ABHD6: variants seen among roughly 807,000 people sequenced by gnomAD.
The protein encoded by ABHD6 is abhydrolase domain containing 6, acylglycerol lipase.
Under a neutral mutation model 38.8 loss-of-function variants are expected in ABHD6, and 33 were observed. The observed-to-expected ratio is 0.85, with a 90% CI of 0.64 to 1.14. The LOEUF is 1.14. ABHD6 is among the 50% of genes most tolerant of loss of function. ABHD6 has a pLI of 0.00. For synonymous variants in ABHD6, 147 were observed against 161.6 expected, an observed-to-expected ratio of 0.91 and a Z score of 0.69; for missense variants, 380 against 422.6, an observed-to-expected ratio of 0.90 and a Z score of 0.88.
chr3:58,256,883 G>A lies in ABHD6; in HGVS notation c.119+178G>A, dbSNP rs2097433755. The stretch of plus-strand genomic sequence containing the variant: ...GGAATGCTCTTGAAGAATATTACCA[G>A]ATCAGTTCTTTCAGGTTTGTTTGTT... On this transcript the variant is annotated intron_variant, in intron 3 of 9. Transcript: ENST00000478253. The surrounding 1 kb of genome is among the most constrained non-coding windows in gnomAD (Gnocchi z 4.3). Among the ~76,000 whole-genome samples, 1 of 152,022 alleles carries A rather than the reference G, an allele frequency of 6.6e-6. No individual in the cohort carries two copies. The highest frequency in any genetic ancestry group is 6.6e-5 in the Admixed American group (1 of 15,246).
At position 58,293,852 on chromosome 3, in the gene ABHD6, C is replaced by T; in HGVS notation, c.*87C>T. 1 of 1,485,608 alleles carries T rather than the reference C, an allele frequency of 6.7e-7. No individual in the cohort carries two copies. Among genetic ancestry groups the T allele is most frequent in the Non-Finnish European group, 9.1e-7 (1 of 1,097,660 alleles). 92.0% of individuals were successfully genotyped at this position (1,485,608 alleles called of 1,614,324 possible). A position where few individuals can be genotyped will look rare whatever the true frequency, so the allele number is the denominator to read the frequency against. On this transcript the variant is annotated 3_prime_UTR_variant, in exon 10 of 10. Coordinates refer to ENST00000478253, the MANE Select transcript of ABHD6 (RefSeq NM_001320126.2). This position sits in a 1 kb window ranked among gnomAD's most constrained non-coding sequence, Gnocchi z 4.4. ...AGCCACCACTCTCAGGGATCCTGCCCCAAATGCGGTCGGAGCGCCAGTGAC... is the reference window on the plus strand; with the variant it reads ...AGCCACCACTCTCAGGGATCCTGCCTCAAATGCGGTCGGAGCGCCAGTGAC...
intron 7 of ABHD6, among the ~76,000 whole-genome samples, chr3:58,278,394 G>T (rs2097450430): frequency 6.6e-6 from 1 of 152,206 alleles, no homozygotes; most frequent in Non-Finnish European, 1.5e-5. Flanking sequence ...GCGTAGAGGT[G>T]TTTATAGTAT....
chr3:58,249,613 C>T (rs2097428656), intron 1 of ABHD6, among the ~76,000 whole-genome samples: 1 of 152,240 alleles, frequency 6.6e-6, no homozygotes, highest in East Asian at 1.9e-4. Flanking sequence ...CAGATTTCTT[C>T]TTTGACCTCT....
chr3:58,275,295 A>G (rs1179553845), intron 7 of ABHD6, among the ~76,000 whole-genome samples: 2 of 150,920 alleles, frequency 1.3e-5, no homozygotes, highest in Non-Finnish European at 3.0e-5. Context: ...GAGATACTCA[A>G]TTGAAAAAAA....
intron 9 of ABHD6, among the ~76,000 whole-genome samples, chr3:58,288,429 C>T (rs755255923): frequency 6.6e-6 from 1 of 152,220 alleles, no homozygotes; most frequent in African/African-American, 2.4e-5. Flanking sequence ...TCATTTCAAG[C>T]ATCGCTCCTC....
chr3:58,282,418 A>C (rs1213637657), intron 7 of ABHD6, among the ~76,000 whole-genome samples: 1 of 152,100 alleles, frequency 6.6e-6, no homozygotes, highest in African/African-American at 2.4e-5. Flanking sequence ...AAAGGGGAGG[A>C]GTCCCAGGTG....
intron 2 of ABHD6, among the ~76,000 whole-genome samples, chr3:58,250,854 A>T (rs1308978708): frequency 1.3e-5 from 2 of 152,142 alleles, no homozygotes; most frequent in African/African-American, 4.8e-5. Flanking sequence ...GCTTTAATCA[A>T]TTTAAGTTTA....
Position 58,274,779 on chromosome 3 carries a change from G to T in ABHD6, c.645G>T (p.Gln215His). The T allele has an allele frequency of 1.2e-6, 2 of 1,614,212 alleles. No individual in the cohort carries two copies. Among genetic ancestry groups the T allele is most frequent in the Non-Finnish European group, 1.7e-6 (2 of 1,180,030 alleles). Residue 215 changes from glutamine to histidine, a missense_variant, in exon 7 of 10, where the codon CAG becomes CAT. Transcript: ENST00000478253. Reference protein sequence around the residue: ...STPEEMSEMLQLCSYVRFKVP... With the variant: ...STPEEMSEMLHLCSYVRFKVP... The stretch of plus-strand genomic sequence containing the variant: ...CAGAAGAGATGAGTGAAATGCTTCA[G>T]CTCTGCTCCTATGTCCGCTTCAAGG...
At chr3:58,289,413 G>A (rs1240809239) in intron 9 of ABHD6, among the ~76,000 whole-genome samples, 1 of 150,162 alleles carries the variant, frequency 6.7e-6, no homozygotes, top group African/African-American at 2.5e-5. Context: ...CTGGGTACTT[G>A]AGATTAGGGA....
chr3:58,282,077 CAG>C (rs1575529685), intron 7 of ABHD6, among the ~76,000 whole-genome samples: 2 of 152,240 alleles, frequency 1.3e-5, no homozygotes, highest in Non-Finnish European at 2.9e-5. Context: ...CTCTGAAAAA[CAG>C]TGTACTTTTG....
rs1359594722 is a variant in ABHD6, at chr3:58,287,931, G to T, written c.837+2478G>T. ...TAATATGTATGAAAATGATCTTCCA[G>T]TTGCAAAAAAGTTAGGTTAGCTGGT... is the stretch of plus-strand genomic sequence containing the variant. On this transcript the variant is annotated intron_variant, in intron 9 of 9. Transcript: ENST00000478253. The surrounding 1 kb of genome is among the most constrained non-coding windows in gnomAD (Gnocchi z 4.7). Among the ~76,000 whole-genome samples, 2 of 152,166 alleles carry T rather than the reference G, an allele frequency of 1.3e-5. No homozygotes were observed. The highest frequency in any genetic ancestry group is 2.4e-5 in the African/African-American group (1 of 41,442).
intron 1 of ABHD6, among the ~76,000 whole-genome samples, chr3:58,240,187 A>G (rs1305112124): frequency 6.6e-6 from 1 of 152,078 alleles, no homozygotes; most frequent in Non-Finnish European, 1.5e-5. Context: ...ATGAGTGTTT[A>G]TCCTAGTAGG....
At chr3:58,286,860 ATATATATATG>A (rs1559784481) in intron 9 of ABHD6, among the ~76,000 whole-genome samples, 2 of 121,368 alleles carry the variant, frequency 1.6e-5, no homozygotes, top group African/African-American at 3.5e-5. Context: ...GTGTATATAT[ATATATATATG>A]TATATGTATA....
intron 7 of ABHD6, 100 bp from the exon 8 acceptor site, chr3:58,284,985 A>G (rs2097455899): frequency 1.8e-6 from 2 of 1,107,164 alleles, no homozygotes; most frequent in Admixed American, 1.7e-5. Flanking sequence ...ACAGTGCAAT[A>G]AATTGCTGGA....
At chr3:58,275,512 A>G (rs1478732167) in intron 7 of ABHD6, among the ~76,000 whole-genome samples, 2 of 151,942 alleles carry the variant, frequency 1.3e-5, no homozygotes, top group Non-Finnish European at 2.9e-5. Context: ...CATTTTTAGT[A>G]GAGATGGGGT....
Position 58,293,759 on chromosome 3 carries a change from G to A in ABHD6, c.1008G>A (p.Leu336=), listed in dbSNP as rs1352205485. ...SVHNTDNNKK[L]D is the part of the protein sequence containing the mutation. Reference sequence around the variant, plus strand: ...ACAACACAGACAACAACAAGAAGCTGGACTGAGGCCCCGACTGCAGCCTGC... The same window carrying A: ...ACAACACAGACAACAACAAGAAGCTAGACTGAGGCCCCGACTGCAGCCTGC... The change falls in exon 10 of 10, where the codon CTG becomes CTA. Residue 336 remains leucine, a synonymous_variant. Transcript: ENST00000478253. The surrounding 1 kb of genome is among the most constrained non-coding windows in gnomAD (Gnocchi z 4.4). 7 of 1,613,916 alleles carry A rather than the reference G, an allele frequency of 4.3e-6. No homozygotes were observed. The highest frequency in any genetic ancestry group is 5.9e-6 in the Non-Finnish European group (7 of 1,179,882).
chr3:58,251,366 C>T lies in ABHD6; in HGVS notation c.-26+1424C>T, dbSNP rs574921339. Among the ~76,000 whole-genome samples the T allele has an allele frequency of 2.0e-5, 3 of 151,556 alleles. No homozygotes were observed. The highest frequency in any genetic ancestry group is 4.4e-5 in the Non-Finnish European group (3 of 67,892). ...ACAGAAATCAGTAAGTCAGGCGAAGCGAGGAGAGATGTGTCTATGAGATTC... is the reference window on the plus strand; with the variant it reads ...ACAGAAATCAGTAAGTCAGGCGAAGTGAGGAGAGATGTGTCTATGAGATTC... On this transcript the variant is annotated intron_variant, in intron 2 of 9. Coordinates refer to ENST00000478253, the MANE Select transcript of ABHD6 (RefSeq NM_001320126.2). This position sits in a 1 kb window ranked among gnomAD's most constrained non-coding sequence, Gnocchi z 5.4.
At chr3:58,243,574 G>T (rs1253701266) in intron 1 of ABHD6, among the ~76,000 whole-genome samples, 1 of 151,996 alleles carries the variant, frequency 6.6e-6, no homozygotes, top group Non-Finnish European at 1.5e-5. Flanking sequence ...CAGAAAGCCA[G>T]TGCAGGTATA....
At position 58,256,370 on chromosome 3, in the gene ABHD6, T is replaced by C. The variant is rs542573824; in HGVS notation, c.-25-192T>C. ...GTTTTTTTTTTTTACAAATCCAGGCTCCTCTGAAAAGTTCCTCATTACTTT... is the reference window on the plus strand; with the variant it reads ...GTTTTTTTTTTTTACAAATCCAGGCCCCTCTGAAAAGTTCCTCATTACTTT... On this transcript the variant is annotated intron_variant, in intron 2 of 9. Coordinates refer to ENST00000478253, the MANE Select transcript of ABHD6 (RefSeq NM_001320126.2). This position sits in a 1 kb window ranked among gnomAD's most constrained non-coding sequence, Gnocchi z 4.3. Among the ~76,000 whole-genome samples the C allele has an allele frequency of 2.0e-5, 3 of 152,074 alleles. No individual in the cohort carries two copies. In the South Asian group the frequency reaches 6.2e-4, roughly 32 times the overall value.
Sources: gnomAD v4.1 joint callset for allele counts (sites outside exome capture counted in the v4.1 genomes callset) on GRCh38, gnomAD v4.1.1 for gene constraint, Gnocchi (gnomAD v3.1) non-coding constraint, MANE v1.5 for transcripts, NCBI Gene and HGNC (gene_info 2026-07-23, HGNC 2026-07-21) for gene names.